CARS2: variants seen among roughly 807,000 people sequenced by gnomAD.
CARS2 encodes cysteinyl-tRNA synthetase 2, mitochondrial.
In CARS2, 52 loss-of-function variants were observed where a neutral mutation model predicts 68.8. The ratio of observed to expected loss-of-function variants is 0.76; its 90% CI spans 0.61 to 0.95. CARS2 has a LOEUF of 0.95. CARS2 is among the 40% of genes least tolerant of loss of function. The pLI is 0.00. For synonymous variants in CARS2, 314 were observed against 303.6 expected (o/e 1.03, Z -0.36); for missense variants, 780 against 754.2 (o/e 1.03, Z -0.40).
chr13:110,664,852 T>C (rs1023034717), intron 8 of CARS2: 7 of 396,756 alleles, frequency 1.8e-5, no homozygotes, highest in African/African-American at 1.1e-4. Context: ...CGTCTACAAA[T>C]GGGAAGCAGG....
At chr13:110,703,717 AC>A in intron 2 of CARS2, among the ~76,000 whole-genome samples, 1 of 152,322 alleles carries the variant, frequency 6.6e-6, no homozygotes, top group South Asian at 2.1e-4. Flanking sequence ...AAAACCTGGG[AC>A]CCACCTCTGA....
chr13:110,712,761 A>G, intron 1 of CARS2: 1 of 705,382 alleles, frequency 1.4e-6, no homozygotes, highest in Admixed American at 2.0e-5. Context: ...TCCATGACAC[A>G]GGGCGGGAAG....
At chr13:110,700,670 T>C (rs912657183) in intron 3 of CARS2, among the ~76,000 whole-genome samples, 1 of 152,214 alleles carries the variant, frequency 6.6e-6, no homozygotes, top group African/African-American at 2.4e-5. Context: ...GCACACAGGG[T>C]TGTTCTGAGA....
rs1043890326 is a variant in CARS2 at position 110,683,802 on chromosome 13, A to T, written c.572-668T>A. On this transcript the variant is annotated intron_variant, in intron 5 of 14. Transcript: ENST00000257347. ...GAGTCCGAGGCAGGAGGATTGTTTG[A>T]GCTGAAGAGTTCGAGACCAGCCTGG... is the stretch of plus-strand genomic sequence containing the variant. Among the ~76,000 whole-genome samples, 8 of 152,288 alleles carry T rather than the reference A, an allele frequency of 5.3e-5. No individual in the cohort carries two copies. In the East Asian group the frequency reaches 1.5e-3, roughly 29 times the overall value.
rs1291068801 is a variant in CARS2, at chr13:110,670,968, T to C, written c.786-3495A>G. 6.6e-6 allele frequency among the ~76,000 whole-genome samples: 1 copy of C among 152,006 alleles called. No individual in the cohort carries two copies. Among genetic ancestry groups the C allele is most frequent in the Non-Finnish European group, 1.5e-5 (1 of 67,992 alleles). ...CAAGTGGAAGAAAGGGTATCAGTGA[T>C]TGAAGATCAAATGAATGAAATGAAG... On this transcript the variant is annotated intron_variant, in intron 7 of 14. Coordinates refer to ENST00000257347, the MANE Select transcript of CARS2 (RefSeq NM_024537.4). This position sits in a 1 kb window ranked among gnomAD's most constrained non-coding sequence, Gnocchi z 4.1.
chr13:110,709,249 C>T (rs1236947515), upstream of CARS2, among the ~76,000 whole-genome samples: 1 of 151,938 alleles, frequency 6.6e-6, no homozygotes, highest in Non-Finnish European at 1.5e-5. Flanking sequence ...CATGTGCCAC[C>T]ATGCCCAGCT....
rs1004798520 is a variant in CARS2 at position 110,668,228 on chromosome 13, G to A, written c.786-755C>T. ...GGAAACAGGCATCACAGAAACACACGCTGTAGTGTGACGTTCTAAGACTTT... is the reference window on the plus strand; with the variant it reads ...GGAAACAGGCATCACAGAAACACACACTGTAGTGTGACGTTCTAAGACTTT... On this transcript the variant is annotated intron_variant, in intron 7 of 14. Coordinates refer to ENST00000257347, the MANE Select transcript of CARS2 (RefSeq NM_024537.4). The surrounding 1 kb of genome is among the most constrained non-coding windows in gnomAD (Gnocchi z 4.1). Among the ~76,000 whole-genome samples the A allele has an allele frequency of 1.3e-5, 2 of 152,206 alleles. No individual in the cohort carries two copies. The highest frequency in any genetic ancestry group is 2.1e-4 in the South Asian group (1 of 4,838).
chr13:110,644,799 C>T, intron 12 of CARS2: 2 of 291,462 alleles, frequency 6.9e-6, no homozygotes, highest in East Asian at 6.4e-5. Context: ...GCTGAGTGGG[C>T]ACTGGGCTGG....
chr13:110,694,573 G>T (rs1428252513), intron 3 of CARS2, among the ~76,000 whole-genome samples: 1 of 152,020 alleles, frequency 6.6e-6, no homozygotes. Context: ...GGAGGCGGAG[G>T]TTGCGCTGGG....
intron 2 of CARS2, among the ~76,000 whole-genome samples, chr13:110,702,377 C>T (rs1418552867): frequency 6.6e-6 from 1 of 152,210 alleles, no homozygotes; most frequent in African/African-American, 2.4e-5. Flanking sequence ...TCTTACAGCT[C>T]AGTCGGCTTG....
At chr13:110,662,179 C>T (rs536565184) in intron 9 of CARS2, among the ~76,000 whole-genome samples, 17 of 151,802 alleles carry the variant, frequency 1.1e-4, no homozygotes, top group African/African-American at 1.9e-4. Context: ...ACCCACTCTG[C>T]ACCATGCAAC....
chr13:110,644,740 G>A (rs1178095221), intron 12 of CARS2: 7 of 470,028 alleles, frequency 1.5e-5, no homozygotes, highest in Middle Eastern at 6.0e-4. Context: ...CAGGCTTCGC[G>A]GGTGAAGCAT....
intron 9 of CARS2, among the ~76,000 whole-genome samples, chr13:110,654,010 A>G (rs2062294398): frequency 6.6e-6 from 1 of 152,212 alleles, no homozygotes; most frequent in Non-Finnish European, 1.5e-5. Context: ...GAGGTAAGCA[A>G]TCTCCCAGAG....
At chr13:110,647,352 G>T in intron 10 of CARS2, 113 bp from the exon 11 acceptor site, 2 of 1,335,416 alleles carry the variant, frequency 1.5e-6, no homozygotes, top group Non-Finnish European at 2.0e-6. Flanking sequence ...CACACGGAGA[G>T]CGGGACATGT....
intron 9 of CARS2, among the ~76,000 whole-genome samples, chr13:110,657,297 C>A (rs1053998493): frequency 3.3e-5 from 5 of 152,220 alleles, no homozygotes; most frequent in African/African-American, 1.2e-4. Flanking sequence ...CCTGAAAAAG[C>A]GTAGACGCAG....
intron 1 of CARS2, chr13:110,712,578 G>A: frequency 6.0e-6 from 2 of 332,338 alleles, no homozygotes; most frequent in Middle Eastern, 7.5e-4. Flanking sequence ...ACGGGCTCGC[G>A]TGGCGTCCAG....
At position 110,665,828 on chromosome 13, in the gene CARS2, G is replaced by C. The variant is rs571584011; in HGVS notation, c.919+1512C>G. The C allele has an allele frequency of 2.5e-4, 251 of 985,148 alleles. No individual in the cohort carries two copies. Among genetic ancestry groups the C allele is most frequent in the Non-Finnish European group, 2.9e-4 (243 of 829,918 alleles). The allele number at this position is 985,148 out of a possible 1,614,324, so 61.0% of individuals were successfully genotyped here. A position where few individuals can be genotyped will look rare whatever the true frequency, so the allele number is the denominator to read the frequency against. ...AACCCTGCTGCGGACCAGAAAACCG[G>C]AGCACTTCTGCATTTAATGTCACCT... On this transcript the variant is annotated intron_variant, in intron 8 of 14. Transcript: ENST00000257347. This position sits in a 1 kb window ranked among gnomAD's most constrained non-coding sequence, Gnocchi z 4.3.
At chr13:110,710,920 T>C (rs1175562237), upstream of CARS2, among the ~76,000 whole-genome samples, 1 of 142,476 alleles carries the variant, frequency 7.0e-6, no homozygotes, top group Non-Finnish European at 1.5e-5. Flanking sequence ...ATTACTCAGA[T>C]TGTACTGTGT....
intron 9 of CARS2, among the ~76,000 whole-genome samples, chr13:110,656,863 G>A (rs1286909154): frequency 1.3e-5 from 2 of 149,950 alleles, no homozygotes; most frequent in Non-Finnish European, 2.9e-5. Context: ...CAGCCTGGGC[G>A]ACAGAGTGAG....
Sources: gnomAD v4.1 joint callset for allele counts (sites outside exome capture counted in the v4.1 genomes callset) on GRCh38, gnomAD v4.1.1 for gene constraint, Gnocchi (gnomAD v3.1) non-coding constraint, MANE v1.5 for transcripts, NCBI Gene and HGNC (gene_info 2026-07-23, HGNC 2026-07-21) for gene names.